Variants in HS6ST2 observed in about 807,000 individuals in gnomAD.
The protein encoded by HS6ST2 is heparan sulfate 6-O-sulfotransferase 2.
Under a neutral mutation model 33.0 loss-of-function variants are expected in HS6ST2, and 17 were observed. The ratio of observed to expected loss-of-function variants is 0.52; its 90% confidence interval spans 0.35 to 0.77. HS6ST2 has a LOEUF of 0.77. Ranked by LOEUF, HS6ST2 falls within the 30% of genes least tolerant of loss-of-function variation. The pLI, the probability that HS6ST2 is intolerant of heterozygous loss-of-function variation, is 0.01. For missense variants in HS6ST2, 519 were observed against 551.7 expected (o/e 0.94, Z 0.59); for synonymous variants, 248 against 237.1 (o/e 1.05, Z -0.42).
upstream of HS6ST2, among the ~76,000 whole-genome samples, chrX:132,959,444 G>A (rs1283581424): frequency 8.9e-6 from 1 of 112,040 alleles, no homozygotes; most frequent in Non-Finnish European, 1.9e-5. Flanking sequence ...CAGTCCCACT[G>A]CTACAGAAGG....
intron 2 of HS6ST2, among the ~76,000 whole-genome samples, chrX:132,831,437 T>C: frequency 9.0e-6 from 1 of 111,292 alleles, no homozygotes; most frequent in East Asian, 2.8e-4. Flanking sequence ...GATATTCAAG[T>C]GGGAGGCTCA....
chrX:132,823,853 A>AAAT (rs34008866), intron 2 of HS6ST2, among the ~76,000 whole-genome samples: 19,114 of 92,409 alleles, frequency 0.21, 1,953 homozygotes, highest in Middle Eastern at 0.29. Flanking sequence ...ACTTCATAAA[A>AAAT]AATAATAATA....
chrX:132,692,709 T>C (rs1348417473), intron 3 of HS6ST2, among the ~76,000 whole-genome samples: 1 of 111,980 alleles, frequency 8.9e-6, no homozygotes, highest in Non-Finnish European at 1.9e-5. Flanking sequence ...CACATCTGCC[T>C]TTCCTGTTGA....
chrX:132,821,689 G>A (rs771684562), intron 2 of HS6ST2, among the ~76,000 whole-genome samples: 7 of 111,352 alleles, frequency 6.3e-5, no homozygotes, highest in Non-Finnish European at 1.1e-4. Context: ...AGCTAATACT[G>A]TACTCAAAAA....
intron 4 of HS6ST2, among the ~76,000 whole-genome samples, chrX:132,648,900 T>A (rs757485396): frequency 1.8e-5 from 2 of 112,156 alleles, no homozygotes; most frequent in South Asian, 7.5e-4. Flanking sequence ...AGAGCTAATG[T>A]TTCTAAAAGA....
intron 2 of HS6ST2, among the ~76,000 whole-genome samples, chrX:132,858,896 C>T (rs1004851983): frequency 8.9e-5 from 10 of 112,307 alleles, no homozygotes; most frequent in Non-Finnish European, 1.3e-4. Context: ...TCTTCTAGGT[C>T]GGCATGGCCT....
chrX:132,895,845 A>G (rs757671973), intron 2 of HS6ST2, among the ~76,000 whole-genome samples: 1 of 110,643 alleles, frequency 9.0e-6, no homozygotes, highest in Non-Finnish European at 1.9e-5. Context: ...CTGAATGCCT[A>G]TGGTGTATAC....
At chrX:132,759,430 A>G (rs896332042) in intron 2 of HS6ST2, among the ~76,000 whole-genome samples, 1 of 111,181 alleles carries the variant, frequency 9.0e-6, no homozygotes, top group African/African-American at 3.3e-5. Flanking sequence ...AAAGCTCACT[A>G]TCTAGCCTTC....
chrX:132,828,272 C>T (rs2065545432), intron 2 of HS6ST2, among the ~76,000 whole-genome samples: 1 of 110,538 alleles, frequency 9.0e-6, no homozygotes, highest in Non-Finnish European at 1.9e-5. Context: ...TGCTACCGCA[C>T]ATGGTTCAGA....
At chrX:132,942,974 TTTCTC>T (rs1369386001) in intron 2 of HS6ST2, among the ~76,000 whole-genome samples, 1 of 112,290 alleles carries the variant, frequency 8.9e-6, no homozygotes, top group African/African-American at 3.2e-5. Flanking sequence ...ACCTGAATCT[TTTCTC>T]TAGCGCCTTT....
chrX:132,754,695 T>A (rs1460152750), intron 2 of HS6ST2, among the ~76,000 whole-genome samples: 1 of 109,333 alleles, frequency 9.1e-6, no homozygotes, highest in African/African-American at 3.3e-5. Flanking sequence ...GGATTACAGA[T>A]GTGAGCCACC....
chrX:132,882,102 A>T (rs2066182796), intron 2 of HS6ST2, among the ~76,000 whole-genome samples: 2 of 111,489 alleles, frequency 1.8e-5, no homozygotes. Context: ...TGACTTGGCG[A>T]TGCAGGCTCT....
intron 4 of HS6ST2, among the ~76,000 whole-genome samples, chrX:132,642,855 C>T (rs1250026265): frequency 8.9e-6 from 1 of 112,377 alleles, no homozygotes; most frequent in East Asian, 2.8e-4. Flanking sequence ...CTATAAGTTT[C>T]GTGCATCAGA....
intron 2 of HS6ST2, among the ~76,000 whole-genome samples, chrX:132,850,875 C>A (rs2065795359): frequency 9.0e-6 from 1 of 111,626 alleles, no homozygotes. Flanking sequence ...ACTTCTCAAG[C>A]ACTAGATGTT....
chrX:132,894,233 C>A (rs2066347161), intron 2 of HS6ST2, among the ~76,000 whole-genome samples: 1 of 107,702 alleles, frequency 9.3e-6, no homozygotes, highest in Admixed American at 1.0e-4. Context: ...CCTCTACCTC[C>A]TGGGTTCAAG....
chrX:132,728,617 G>C (rs1288133767), intron 2 of HS6ST2, among the ~76,000 whole-genome samples: 1 of 112,129 alleles, frequency 8.9e-6, no homozygotes, highest in African/African-American at 3.2e-5. Context: ...GGCTATAAGA[G>C]CCAAGCCTAG....
At chrX:132,736,995 A>G (rs1569485207) in intron 2 of HS6ST2, among the ~76,000 whole-genome samples, 1 of 112,051 alleles carries the variant, frequency 8.9e-6, no homozygotes, top group Non-Finnish European at 1.9e-5. Flanking sequence ...CATGAAGGCA[A>G]TTTCAGTTTG....
At chrX:132,867,567 C>A (rs1385144445) in intron 2 of HS6ST2, among the ~76,000 whole-genome samples, 1 of 112,014 alleles carries the variant, frequency 8.9e-6, no homozygotes, top group Non-Finnish European at 1.9e-5. Flanking sequence ...ACCAGTTCCT[C>A]CTTGTACCTC....
chrX:132,742,313 T>A (rs757317264), intron 2 of HS6ST2, among the ~76,000 whole-genome samples: 1 of 112,001 alleles, frequency 8.9e-6, no homozygotes, highest in South Asian at 3.8e-4. Context: ...TAGTCAAAGT[T>A]CAAATCTGGA....
Sources: allele counts gnomAD v4.1 joint callset (sites outside exome capture counted in the v4.1 genomes callset), GRCh38; gene constraint gnomAD v4.1.1; transcripts MANE v1.5; gene names NCBI Gene and HGNC (gene_info 2026-07-23, HGNC 2026-07-21).